Variants in GNA12 observed in about 807,000 individuals in gnomAD.
GNA12 encodes the protein G protein subunit alpha 12.
A neutral mutation model predicts 26.0 loss-of-function variants in GNA12; 9 were observed. The observed-to-expected ratio is 0.35, with a 90% CI of 0.21 to 0.60. The LOEUF (loss-of-function observed/expected upper bound fraction) is 0.60. GNA12 is among the 20% of genes least tolerant of loss of function. The pLI is 0.78. For missense variants in GNA12, 405 were observed against 525.8 expected, an observed-to-expected ratio of 0.77 and a Z score of 2.25; for synonymous variants, 264 against 219.6, an observed-to-expected ratio of 1.20 and a Z score of -1.79.
chr7:2,741,479 GA>G (rs1234887100), intron 2 of GNA12, among the ~76,000 whole-genome samples: 1 of 152,176 alleles, frequency 6.6e-6, no homozygotes, highest in Non-Finnish European at 1.5e-5. Context: ...GTCACAGTTG[GA>G]CTGCCTGTTA....
chr7:2,829,491 C>T (rs1298662350), intron 1 of GNA12, among the ~76,000 whole-genome samples: 1 of 152,202 alleles, frequency 6.6e-6, no homozygotes, highest in Non-Finnish European at 1.5e-5. Flanking sequence ...CTCCGATGCA[C>T]CTATGAGATC....
chr7:2,733,868 T>C (rs1286339419), intron 2 of GNA12, among the ~76,000 whole-genome samples: 1 of 152,198 alleles, frequency 6.6e-6, no homozygotes, highest in African/African-American at 2.4e-5. Flanking sequence ...AATAGGATTT[T>C]AGATTTTGGC....
chr7:2,790,550 C>A (rs777625377), intron 2 of GNA12, among the ~76,000 whole-genome samples: 1 of 152,236 alleles, frequency 6.6e-6, no homozygotes, highest in Non-Finnish European at 1.5e-5. Context: ...AAAGAATACC[C>A]TTCCGTGGCA....
chr7:2,775,019 T>G (rs1362843643), intron 2 of GNA12, among the ~76,000 whole-genome samples: 1 of 152,172 alleles, frequency 6.6e-6, no homozygotes, highest in Non-Finnish European at 1.5e-5. Flanking sequence ...GCTTAAAGAG[T>G]TAAACAATTT....
intron 1 of GNA12, among the ~76,000 whole-genome samples, chr7:2,834,733 T>C (rs989976096): frequency 7.2e-5 from 11 of 152,362 alleles, no homozygotes; most frequent in Admixed American, 2.6e-4. Flanking sequence ...ACGTTTTCTA[T>C]GTTTAGATAC....
chr7:2,776,732 T>C (rs575534077), intron 2 of GNA12, among the ~76,000 whole-genome samples: 5 of 152,318 alleles, frequency 3.3e-5, no homozygotes, highest in African/African-American at 1.2e-4. Flanking sequence ...GACCAGGTCT[T>C]GCAACCCCAG....
intron 1 of GNA12, among the ~76,000 whole-genome samples, chr7:2,827,611 T>C (rs1036804724): frequency 1.3e-5 from 2 of 152,064 alleles, no homozygotes; most frequent in African/African-American, 4.8e-5. Flanking sequence ...GGCTGGTCCG[T>C]GAGCAGTGCA....
intron 2 of GNA12, among the ~76,000 whole-genome samples, chr7:2,767,780 T>C (rs1324138086): frequency 6.6e-6 from 1 of 152,276 alleles, no homozygotes; most frequent in Non-Finnish European, 1.5e-5. Context: ...ATCCTCATCG[T>C]AAATAAAATC....
At chr7:2,798,028 G>C (rs985950875) in intron 1 of GNA12, among the ~76,000 whole-genome samples, 1 of 152,122 alleles carries the variant, frequency 6.6e-6, no homozygotes, top group Admixed American at 6.6e-5. Context: ...AAAACATACA[G>C]CTAACCTCAT....
At chr7:2,810,560 T>C (rs1793056807) in intron 1 of GNA12, among the ~76,000 whole-genome samples, 1 of 152,192 alleles carries the variant, frequency 6.6e-6, no homozygotes, top group African/African-American at 2.4e-5. Flanking sequence ...ATTTTTTTTT[T>C]ACAGTTGGAT....
chr7:2,736,240 G>A (rs912898738), intron 2 of GNA12, among the ~76,000 whole-genome samples: 3 of 152,166 alleles, frequency 2.0e-5, no homozygotes, highest in Admixed American at 6.5e-5. Flanking sequence ...CTGCCAAGAC[G>A]AGCCCAGAGT....
chr7:2,814,467 C>T, intron 1 of GNA12: 1 of 868,326 alleles, frequency 1.2e-6, no homozygotes. Flanking sequence ...CCTGCTCAAG[C>T]TTCTCCAAGC....
At chr7:2,745,855 G>C (rs1355282007) in intron 2 of GNA12, among the ~76,000 whole-genome samples, 1 of 152,078 alleles carries the variant, frequency 6.6e-6, no homozygotes, top group African/African-American at 2.4e-5. Context: ...ACAGAAAAAC[G>C]CAGGGGTTGC....
chr7:2,735,631 C>T (rs539563823), intron 2 of GNA12, among the ~76,000 whole-genome samples: 1 of 152,242 alleles, frequency 6.6e-6, no homozygotes, highest in African/African-American at 2.4e-5. Flanking sequence ...ACAGCAAACA[C>T]TCACTGCTGC....
intron 1 of GNA12, among the ~76,000 whole-genome samples, chr7:2,804,888 A>G (rs1206992426): frequency 6.9e-6 from 1 of 145,422 alleles, no homozygotes; most frequent in Admixed American, 7.1e-5. Context: ...CCGAGACCCT[A>G]TCTCTATTAA....
chr7:2,759,075 G>C (rs541084300), intron 2 of GNA12, among the ~76,000 whole-genome samples: 32 of 151,784 alleles, frequency 2.1e-4, no homozygotes, highest in Middle Eastern at 3.4e-3. Flanking sequence ...AGGGGGCGGA[G>C]GTTGCAATGA....
chr7:2,735,899 G>A (rs1790147855), intron 2 of GNA12, among the ~76,000 whole-genome samples: 1 of 152,106 alleles, frequency 6.6e-6, no homozygotes, highest in Non-Finnish European at 1.5e-5. Flanking sequence ...GGAGGGGAGG[G>A]AAGAAGGGGA....
chr7:2,834,066 C>A (rs533335662), intron 1 of GNA12, among the ~76,000 whole-genome samples: 2 of 152,374 alleles, frequency 1.3e-5, no homozygotes, highest in Non-Finnish European at 2.9e-5. Flanking sequence ...TGAAACCCTA[C>A]ACAGATACAT....
intron 2 of GNA12, among the ~76,000 whole-genome samples, chr7:2,759,907 C>A (rs1036584588): frequency 6.6e-6 from 1 of 152,214 alleles, no homozygotes; most frequent in African/African-American, 2.4e-5. Flanking sequence ...TGAAAAGCTC[C>A]GCTCCCTGCT....
Sources: allele counts gnomAD v4.1 joint callset (sites outside exome capture counted in the v4.1 genomes callset), GRCh38; gene constraint gnomAD v4.1.1; transcripts MANE v1.5; gene names NCBI Gene and HGNC (gene_info 2026-07-23, HGNC 2026-07-21).